The following PTPRT variants were observed in gnomAD, a reference collection of about 807,000 sequenced individuals.
PTPRT encodes the protein receptor-type tyrosine-protein phosphatase T.
Under a neutral mutation model 176.8 loss-of-function variants are expected in PTPRT, and 56 were observed. That is an observed-to-expected ratio of 0.32 (90% CI 0.26 to 0.40). PTPRT has a LOEUF of 0.40. Among genes scored for constraint, PTPRT ranks in the 10% least tolerant of loss-of-function variants. The probability of loss-of-function intolerance (pLI) is 1.00; values close to 1 mark genes in which losing one functional copy is unlikely to be tolerated. For synonymous variants in PTPRT, 783 were observed against 739.0 expected (o/e 1.06, Z -0.96); for missense variants, 1,540 against 1,908.2 (o/e 0.81, Z 3.60).
chr20:42,590,500 T>C (rs1312339766), intron 7 of PTPRT, among the ~76,000 whole-genome samples: 2 of 152,030 alleles, frequency 1.3e-5, no homozygotes, highest in East Asian at 1.9e-4. Context: ...AAGGAGACCA[T>C]AGCTTAGTGG....
At chr20:42,726,153 C>T (rs1191754510) in intron 6 of PTPRT, among the ~76,000 whole-genome samples, 2 of 151,430 alleles carry the variant, frequency 1.3e-5, no homozygotes, top group African/African-American at 2.4e-5. Context: ...GATCTTGGCT[C>T]ACTGCAACCT....
At chr20:42,376,552 C>A (rs1001302514) in intron 9 of PTPRT, among the ~76,000 whole-genome samples, 1 of 152,124 alleles carries the variant, frequency 6.6e-6, no homozygotes, top group Non-Finnish European at 1.5e-5. Context: ...AAGTTCACAG[C>A]CAGACCCTAA....
intron 1 of PTPRT, among the ~76,000 whole-genome samples, chr20:43,174,586 C>G (rs867874149): frequency 6.6e-6 from 1 of 152,116 alleles, no homozygotes; most frequent in Non-Finnish European, 1.5e-5. Context: ...TGATTTTTCC[C>G]CTTCTTGCAT....
chr20:42,595,858 G>A (rs1262813814), intron 7 of PTPRT, among the ~76,000 whole-genome samples: 1 of 152,148 alleles, frequency 6.6e-6, no homozygotes, highest in Non-Finnish European at 1.5e-5. Context: ...AGACAAGGCT[G>A]CCCAGGCTGT....
chr20:42,925,141 G>C (rs1979400246), intron 1 of PTPRT, among the ~76,000 whole-genome samples: 1 of 152,116 alleles, frequency 6.6e-6, no homozygotes, highest in South Asian at 2.1e-4. Flanking sequence ...CTGGCTTTTA[G>C]GCATGCTTCC....
At chr20:42,359,883 C>T (rs1296550078) in intron 9 of PTPRT, among the ~76,000 whole-genome samples, 1 of 152,208 alleles carries the variant, frequency 6.6e-6, no homozygotes, top group African/African-American at 2.4e-5. Context: ...CCTGCAGGGG[C>T]TTCCTCTAGC....
Position 42,483,924 on chromosome 20 carries a change from G to A in PTPRT, c.1154-11362C>T, listed in dbSNP as rs114813144. On this transcript the variant is annotated intron_variant, in intron 7 of 30. Coordinates refer to ENST00000373187, the MANE Select transcript of PTPRT (RefSeq NM_007050.6). ...AGGGAGCCTGCGGGGCAGGAGGACG[G>A]GGAGACTTCAGCATCAGGTATCCAA... Among the ~76,000 whole-genome samples the A allele has an allele frequency of 7.2e-3, 1,094 of 152,310 alleles. 18 individuals are homozygous for A. Among genetic ancestry groups the A allele is most frequent in the African/African-American group, 0.025 (1,052 of 41,560 alleles).
At chr20:42,263,652 T>C (rs575502433) in intron 13 of PTPRT, among the ~76,000 whole-genome samples, 2 of 151,584 alleles carry the variant, frequency 1.3e-5, no homozygotes, top group East Asian at 3.9e-4. Context: ...GGGCTGGGAT[T>C]ATAGACATGA....
intron 6 of PTPRT, among the ~76,000 whole-genome samples, chr20:42,746,245 C>T (rs1240461263): frequency 2.0e-5 from 3 of 152,108 alleles, no homozygotes; most frequent in Admixed American, 2.0e-4. Flanking sequence ...ATAATATCTC[C>T]CGGTTAGCCT....
intron 1 of PTPRT, among the ~76,000 whole-genome samples, chr20:42,914,193 A>G (rs984186935): frequency 4.6e-5 from 7 of 152,176 alleles, no homozygotes. Context: ...GCCCTAGGTG[A>G]TCCTCTTCAA....
chr20:42,339,184 C>T (rs974540979), intron 11 of PTPRT, among the ~76,000 whole-genome samples: 13 of 152,190 alleles, frequency 8.5e-5, no homozygotes, highest in Non-Finnish European at 2.9e-5. Context: ...GATATTCAGC[C>T]TCATCAAACA....
At chr20:42,723,340 G>A (rs1228144628) in intron 6 of PTPRT, among the ~76,000 whole-genome samples, 2 of 152,114 alleles carry the variant, frequency 1.3e-5, no homozygotes, top group Non-Finnish European at 2.9e-5. Flanking sequence ...TGCCCAGCTC[G>A]GAAGCAGCTG....
At chr20:42,390,936 C>T (rs2058794283) in intron 9 of PTPRT, among the ~76,000 whole-genome samples, 1 of 152,104 alleles carries the variant, frequency 6.6e-6, no homozygotes, top group Admixed American at 6.5e-5. Context: ...ATTGAGTTTG[C>T]AACCTTATTT....
intron 13 of PTPRT, among the ~76,000 whole-genome samples, chr20:42,271,351 C>T (rs1363680916): frequency 6.6e-6 from 1 of 152,208 alleles, no homozygotes; most frequent in African/African-American, 2.4e-5. Flanking sequence ...CGTCAGGTGT[C>T]AGTTTATAAC....
At chr20:43,032,327 A>G (rs901171242) in intron 1 of PTPRT, among the ~76,000 whole-genome samples, 1 of 152,094 alleles carries the variant, frequency 6.6e-6, no homozygotes, top group East Asian at 1.9e-4. Context: ...TGAGTAGGTC[A>G]GGTCTAAGAA....
chr20:42,586,166 A>C (rs1261191525), intron 7 of PTPRT, among the ~76,000 whole-genome samples: 3 of 152,208 alleles, frequency 2.0e-5, no homozygotes, highest in African/African-American at 7.2e-5. Context: ...GTTCTCATGA[A>C]ATATGCACCT....
chr20:42,157,873 A>G (rs1431431909), intron 17 of PTPRT, among the ~76,000 whole-genome samples: 4 of 152,220 alleles, frequency 2.6e-5, no homozygotes, highest in African/African-American at 7.2e-5. Flanking sequence ...GAAATCGTCC[A>G]CCTATCCCAA....
the PTPRT span, among the ~76,000 whole-genome samples, chr20:42,058,407 G>A: frequency 6.6e-6 from 1 of 152,110 alleles, no homozygotes; most frequent in East Asian, 1.9e-4. Flanking sequence ...GCACTAACTG[G>A]AGTCACCTTG....
intron 1 of PTPRT, among the ~76,000 whole-genome samples, chr20:43,060,907 T>G (rs1044819091): frequency 6.6e-6 from 1 of 152,240 alleles, no homozygotes; most frequent in African/African-American, 2.4e-5. Flanking sequence ...TTATAGGTGT[T>G]ACAGGAGTGC....
Sources: allele counts gnomAD v4.1 joint callset (sites outside exome capture counted in the v4.1 genomes callset), GRCh38; gene constraint gnomAD v4.1.1; transcripts MANE v1.5; gene names NCBI Gene and HGNC (gene_info 2026-07-23, HGNC 2026-07-21).